The following HNF4G variants were observed in gnomAD, a reference collection of about 807,000 sequenced individuals.
HNF4G encodes hepatocyte nuclear factor 4-gamma.
HNF4G carries 21 observed loss-of-function variants against 50.9 expected under a neutral mutation model. The observed-to-expected ratio is 0.41, with a 90% confidence interval of 0.29 to 0.59. The LOEUF (loss-of-function observed/expected upper bound fraction) is 0.59. HNF4G is among the 20% of genes least tolerant of loss of function. HNF4G has a pLI of 0.26. For synonymous variants in HNF4G, 198 were observed against 185.6 expected, an observed-to-expected ratio of 1.07 and a Z score of -0.54; for missense variants, 527 against 559.4, an observed-to-expected ratio of 0.94 and a Z score of 0.58.
intron 2 of HNF4G, among the ~76,000 whole-genome samples, chr8:75,532,176 T>C (rs1179044595): frequency 1.3e-5 from 2 of 152,066 alleles, no homozygotes; most frequent in Admixed American, 1.3e-4. Flanking sequence ...GCACATGTTA[T>C]TTTGAGAGAA....
chr8:75,474,090 C>CAT (rs112818026), intron 1 of HNF4G, among the ~76,000 whole-genome samples: 63,720 of 151,606 alleles, frequency 0.42, 15,793 homozygotes, highest in African/African-American at 0.71. Flanking sequence ...TTAAAGAAGG[C>CAT]CAGAAGGTCT....
chr8:75,539,500 G>T (rs578093543), upstream of HNF4G, among the ~76,000 whole-genome samples: 6 of 152,108 alleles, frequency 3.9e-5, no homozygotes, highest in Admixed American at 6.6e-5. Context: ...TTACAGACTT[G>T]ATTTACCAAA....
At chr8:75,540,215 C>A (rs1480539378) in intron 1 of HNF4G, 135 bp downstream of exon 1, 2 of 571,942 alleles carry the variant, frequency 3.5e-6, no homozygotes, top group East Asian at 2.9e-5. Context: ...GGCCACAGAT[C>A]TGAGCTTTTG....
At chr8:75,520,646 C>G (rs1280804470) in intron 2 of HNF4G, among the ~76,000 whole-genome samples, 2 of 152,034 alleles carry the variant, frequency 1.3e-5, no homozygotes, top group Non-Finnish European at 2.9e-5. Flanking sequence ...CCACGATGCC[C>G]AGGCTGGTCT....
At chr8:75,523,572 G>A (rs1238984804) in intron 2 of HNF4G, among the ~76,000 whole-genome samples, 1 of 152,128 alleles carries the variant, frequency 6.6e-6, no homozygotes, top group Non-Finnish European at 1.5e-5. Flanking sequence ...AGGTATCTAT[G>A]TGAGTCATTT....
intron 1 of HNF4G, among the ~76,000 whole-genome samples, chr8:75,450,790 C>A (rs532666405): frequency 4.2e-4 from 64 of 152,224 alleles, no homozygotes; most frequent in Non-Finnish European, 7.8e-4. Flanking sequence ...GCGTTTAAGT[C>A]CTGAGGGCTC....
At chr8:75,498,277 G>C (rs534614905) in intron 2 of HNF4G, among the ~76,000 whole-genome samples, 1 of 152,012 alleles carries the variant, frequency 6.6e-6, no homozygotes, top group South Asian at 2.1e-4. Flanking sequence ...ACTAGGAACA[G>C]TAAAGTTTCA....
chr8:75,438,727 A>G (rs889455631), intron 1 of HNF4G, among the ~76,000 whole-genome samples: 1 of 152,102 alleles, frequency 6.6e-6, no homozygotes, highest in Non-Finnish European at 1.5e-5. Flanking sequence ...TAAAAACAAT[A>G]TATATAAAAG....
At chr8:75,503,196 T>C (rs568276672) in intron 2 of HNF4G, among the ~76,000 whole-genome samples, 18 of 152,182 alleles carry the variant, frequency 1.2e-4, no homozygotes, top group South Asian at 2.1e-4. Flanking sequence ...GACTTTGACA[T>C]TAGATAGCCC....
chr8:75,454,031 C>A (rs1015433966), intron 1 of HNF4G, among the ~76,000 whole-genome samples: 6 of 135,364 alleles, frequency 4.4e-5, no homozygotes, highest in Admixed American at 7.5e-5. Flanking sequence ...AAATTTCTCT[C>A]TCTCTCTCTC....
chr8:75,555,743 T>A (rs966104810), intron 5 of HNF4G, among the ~76,000 whole-genome samples: 66 of 151,508 alleles, frequency 4.4e-4, no homozygotes, highest in African/African-American at 1.6e-3. Context: ...TTTTTTTTTT[T>A]CTTTCTGCTG....
intron 2 of HNF4G, among the ~76,000 whole-genome samples, chr8:75,512,304 T>G (rs1805775750): frequency 6.6e-6 from 1 of 151,918 alleles, no homozygotes; most frequent in African/African-American, 2.4e-5. Context: ...AATGAATAAT[T>G]ATTAATGATT....
intron 2 of HNF4G, among the ~76,000 whole-genome samples, chr8:75,530,432 A>AT (rs201028089): frequency 8.9e-5 from 13 of 145,586 alleles, no homozygotes; most frequent in South Asian, 4.3e-4. Flanking sequence ...ACCAGTAATA[A>AT]AAAAAAAAAA....
At chr8:75,518,191 G>A (rs1563537842) in intron 2 of HNF4G, among the ~76,000 whole-genome samples, 3 of 128,280 alleles carry the variant, frequency 2.3e-5, no homozygotes, top group Admixed American at 1.0e-4. Context: ...TCCTGTGTCC[G>A]TGTGTTCTCA....
chr8:75,438,548 C>G (rs958059528), intron 1 of HNF4G, among the ~76,000 whole-genome samples: 5 of 152,000 alleles, frequency 3.3e-5, no homozygotes, highest in Non-Finnish European at 5.9e-5. Flanking sequence ...CTCTTTCTCT[C>G]TCTTCATCCC....
chr8:75,443,986 A>G (rs1252944864), intron 1 of HNF4G, among the ~76,000 whole-genome samples: 4 of 152,096 alleles, frequency 2.6e-5, no homozygotes, highest in African/African-American at 9.7e-5. Flanking sequence ...GAGCAATGAA[A>G]CAACATAAAA....
intron 1 of HNF4G, among the ~76,000 whole-genome samples, chr8:75,421,212 G>T (rs1810767698): frequency 6.6e-6 from 1 of 152,098 alleles, no homozygotes; most frequent in South Asian, 2.1e-4. Flanking sequence ...GTAGGTCTTG[G>T]AAATCTGTGC....
At chr8:75,454,025 TTCTCTC>T (rs58676228) in intron 1 of HNF4G, among the ~76,000 whole-genome samples, 70 of 133,904 alleles carry the variant, frequency 5.2e-4, no homozygotes, top group African/African-American at 1.2e-3. Flanking sequence ...AAGAAGAAAT[TTCTCTC>T]TCTCTCTCTC....
At chr8:75,558,715 G>T in intron 7 of HNF4G, 45 bp downstream of exon 7, 3 of 1,585,340 alleles carry the variant, frequency 1.9e-6, no homozygotes, top group Non-Finnish European at 2.6e-6. Context: ...AATAAAAATT[G>T]AACTACTTTT....
Sources: allele counts gnomAD v4.1 joint callset (sites outside exome capture counted in the v4.1 genomes callset), GRCh38; gene constraint gnomAD v4.1.1; transcripts MANE v1.5; gene names NCBI Gene and HGNC (gene_info 2026-07-23, HGNC 2026-07-21).